Variants in MED13L observed in about 807,000 individuals in gnomAD.
The protein encoded by MED13L is mediator of RNA polymerase II transcription subunit 13-like.
A neutral mutation model predicts 220.9 loss-of-function variants in MED13L; 7 were observed. That is an observed-to-expected ratio of 0.03 (90% CI 0.02 to 0.06). The LOEUF is 0.06. MED13L is among the 10% of genes least tolerant of loss of function. The pLI, the probability that MED13L is intolerant of heterozygous loss-of-function variation, is 1.00. For synonymous variants in MED13L, 1,011 were observed against 1,015.2 expected, an observed-to-expected ratio of 1.00 and a Z score of 0.08; for missense variants, 1,965 against 2,760.5, an observed-to-expected ratio of 0.71 and a Z score of 6.46.
At chr12:116,153,330 A>C (rs927925147) in intron 2 of MED13L, among the ~76,000 whole-genome samples, 41 of 152,124 alleles carry the variant, frequency 2.7e-4, no homozygotes, top group African/African-American at 9.7e-4. Context: ...TGGCAGCTAA[A>C]AGCCAAAATG....
At chr12:116,209,286 G>GA (rs1364305263) in intron 2 of MED13L, among the ~76,000 whole-genome samples, 1 of 152,076 alleles carries the variant, frequency 6.6e-6, no homozygotes, top group East Asian at 1.9e-4. Flanking sequence ...TGATTCCTAA[G>GA]AAAAACTACA....
rs556083996 is a variant in MED13L at position 116,148,604 on chromosome 12, GATATCT to G, written c.311-37098_311-37093del. On this transcript the variant is annotated intron_variant, in intron 2 of 30. Transcript: ENST00000281928. ...CTATATCTATCTCCATATATATGGA[GATATCT>G]ATATATATATATATATATATACGGA... is the stretch of plus-strand genomic sequence containing the variant. The G allele has an allele frequency of 6.3e-3, 1,115 of 178,002 alleles. 11 individuals are homozygous for G. Among genetic ancestry groups the G allele is most frequent in the African/African-American group, 0.043 (988 of 22,974 alleles). 11.0% of individuals were successfully genotyped at this position (178,002 alleles called of 1,614,324 possible).
At chr12:116,073,670 A>G (rs1357836602) in intron 4 of MED13L, among the ~76,000 whole-genome samples, 4 of 152,228 alleles carry the variant, frequency 2.6e-5, no homozygotes, top group South Asian at 2.1e-4. Flanking sequence ...AGGAAGGTAA[A>G]TAAGTACATG....
At chr12:116,124,122 A>AGAGAG (rs1565888715) in intron 2 of MED13L, among the ~76,000 whole-genome samples, 7 of 91,218 alleles carry the variant, frequency 7.7e-5, no homozygotes, top group Non-Finnish European at 1.4e-4. Context: ...AGAGAGAAAG[A>AGAGAG]CGAGAGAGAG....
intron 2 of MED13L, among the ~76,000 whole-genome samples, chr12:116,120,473 TCTCTCACACACACACACACACACACA>T (rs1348024286): frequency 1.1e-4 from 11 of 101,478 alleles, no homozygotes; most frequent in South Asian, 3.7e-4. Context: ...TCTCTCTCTC[TCTCTCACACACACACACACACACACA>T]CACACACACA....
intron 2 of MED13L, among the ~76,000 whole-genome samples, chr12:116,232,454 T>A (rs145672259): frequency 5.4e-4 from 82 of 152,300 alleles, no homozygotes; most frequent in Non-Finnish European, 9.6e-4. Context: ...AAACCAGAAA[T>A]AATATGCTTT....
chr12:116,000,430 TA>T (rs1202644206), intron 14 of MED13L, among the ~76,000 whole-genome samples: 4 of 152,170 alleles, frequency 2.6e-5, no homozygotes, highest in African/African-American at 9.7e-5. Flanking sequence ...CGGGAACTCA[TA>T]AGACACCCAC....
chr12:115,986,323 A>G lies in MED13L; in HGVS notation c.4281T>C (p.Asn1427=), dbSNP rs1441903393. The change falls in exon 19 of 31, where the codon AAT becomes AAC. Residue 1427 remains asparagine (N), a synonymous_variant. Coordinates refer to ENST00000281928, the MANE Select transcript of MED13L (RefSeq NM_015335.5). ...TTTTGGCTCCTTCGAGCAAGGCCTC[A>G]TTTTCTGGACACACCACAATATAGG... ...DVAYIVVCPE[N]EALLEGAKTF... is the part of the protein sequence containing the mutation. The G allele has an allele frequency of 6.2e-7, 1 of 1,614,118 alleles. No individual in the cohort carries two copies. The highest frequency in any genetic ancestry group is 8.5e-7 in the Non-Finnish European group (1 of 1,180,006).
chr12:116,013,571 A>C (rs908550310), intron 8 of MED13L, among the ~76,000 whole-genome samples: 9 of 152,166 alleles, frequency 5.9e-5, no homozygotes, highest in African/African-American at 2.2e-4. Context: ...AATCCCAAAC[A>C]CTTCCGGTCC....
chr12:115,969,536 G>T (rs1876429920), intron 27 of MED13L, among the ~76,000 whole-genome samples: 1 of 151,864 alleles, frequency 6.6e-6, no homozygotes, highest in Admixed American at 6.6e-5. Flanking sequence ...CCCTGAAAAT[G>T]GAGACCTATT....
intron 2 of MED13L, among the ~76,000 whole-genome samples, chr12:116,212,778 A>C (rs143728691): frequency 3.9e-5 from 6 of 152,350 alleles, no homozygotes; most frequent in Admixed American, 6.5e-5. Flanking sequence ...ACTATCGGGA[A>C]TCTCAAGTGA....
intron 14 of MED13L, among the ~76,000 whole-genome samples, chr12:116,000,843 A>G (rs1435075873): frequency 6.6e-6 from 1 of 152,164 alleles, no homozygotes; most frequent in Non-Finnish European, 1.5e-5. Flanking sequence ...TTCCAACACA[A>G]TATCCACTGG....
At chr12:116,159,438 T>A (rs1357273274) in intron 2 of MED13L, among the ~76,000 whole-genome samples, 2 of 152,174 alleles carry the variant, frequency 1.3e-5, no homozygotes, top group Non-Finnish European at 2.9e-5. Context: ...GTCTAAATAA[T>A]ACCAGAATAC....
rs776706811 is a variant in MED13L, at chr12:116,111,441, T to G, written c.382A>C (p.Asn128His). The G allele has an allele frequency of 6.2e-7, 1 of 1,612,648 alleles. No homozygotes were observed. The highest frequency in any genetic ancestry group is 1.1e-5 in the South Asian group (1 of 91,038). ...TCCTTCTCTTACCTTTCTAACAGAT[T>G]GTGGATCGCTTTGAAGAGCAGCGTC... is the stretch of plus-strand genomic sequence containing the variant. Reference protein sequence around the residue: ...CRTLLFKAIHNLLERCLMDKN... With the variant: ...CRTLLFKAIHHLLERCLMDKN... The change falls in exon 3 of 31, where the codon AAT becomes CAT. Residue 128 changes from asparagine to histidine, a missense_variant. By Grantham distance (68) the Asn-to-His change is moderately conservative (BLOSUM62 1). Around this residue, in one of 10 missense-constraint regions of MED13L, gnomAD observed 818 missense variants for 1,041.2 expected, o/e 0.79. Coordinates refer to ENST00000281928, the MANE Select transcript of MED13L (RefSeq NM_015335.5).
At chr12:116,019,709 AT>A in intron 6 of MED13L, 68 bp downstream of exon 6, 1 of 1,506,990 alleles carries the variant, frequency 6.6e-7, no homozygotes, top group East Asian at 2.3e-5. Context: ...AAGAATCTAA[AT>A]GATTATCTTT....
rs182995984 is a variant in MED13L at position 116,088,098 on chromosome 12, A to G, written c.479+8571T>C. On this transcript the variant is annotated intron_variant, in intron 4 of 30. Coordinates refer to ENST00000281928, the MANE Select transcript of MED13L (RefSeq NM_015335.5). ...GGGAGGGGAAAGAGTTTACCACCAGAAGGAGGAAATGGCACTGAATCAATC... is the reference window on the plus strand; with the variant it reads ...GGGAGGGGAAAGAGTTTACCACCAGGAGGAGGAAATGGCACTGAATCAATC... Among the ~76,000 whole-genome samples the G allele has an allele frequency of 3.5e-3, 534 of 152,144 alleles. 6 individuals carry two copies. Among genetic ancestry groups the G allele is most frequent in the African/African-American group, 0.012 (502 of 41,518 alleles).
In MED13L at chr12:116,019,194, C is replaced by T. The variant is rs767116238; in HGVS notation, c.1009+30G>A. ...ACTATACAATTGTCTGAGATCTCTT[C>T]TCCCCAGGACACTCCTGGATCCTAC... On this transcript the variant is annotated intron_variant, in intron 7 of 30. Transcript: ENST00000281928. 25 of 1,599,200 alleles carry T rather than the reference C, an allele frequency of 1.6e-5. No individual in the cohort carries two copies. The African/African-American group carries it at 2.7e-4, about 17-fold the overall frequency.
intron 2 of MED13L, among the ~76,000 whole-genome samples, chr12:116,189,751 A>G (rs773744338): frequency 1.3e-5 from 2 of 152,330 alleles, no homozygotes; most frequent in Admixed American, 6.5e-5. Flanking sequence ...TTTTAGAGTT[A>G]TAAGACCTTT....
At chr12:115,984,092 T>C (rs1877520720) in intron 20 of MED13L, 88 bp downstream of exon 20, 1 of 1,383,758 alleles carries the variant, frequency 7.2e-7, no homozygotes, top group African/African-American at 1.4e-5. Flanking sequence ...ACAAAAGAAA[T>C]ATAATGTTGC....
Sources: allele counts gnomAD v4.1 joint callset (sites outside exome capture counted in the v4.1 genomes callset), GRCh38; gene constraint gnomAD v4.1.1; regional missense constraint gnomAD v4.1.1; transcripts MANE v1.5; gene names NCBI Gene and HGNC (gene_info 2026-07-23, HGNC 2026-07-21).